CMTM8: variants seen among roughly 807,000 people sequenced by gnomAD.
CMTM8 encodes CKLF-like MARVEL transmembrane domain-containing protein 8.
A neutral mutation model predicts 18.6 loss-of-function variants in CMTM8; 12 were observed. The ratio of observed to expected loss-of-function variants is 0.65; its 90% CI spans 0.41 to 1.05. CMTM8 has a LOEUF of 1.05. CMTM8 is among the 50% of genes least tolerant of loss of function. The pLI is 0.00. For synonymous variants in CMTM8, 87 were observed against 90.6 expected (o/e 0.96, Z 0.23); for missense variants, 217 against 227.2 (o/e 0.95, Z 0.29).
At chr3:32,307,951 A>C (rs1695749111) in intron 1 of CMTM8, among the ~76,000 whole-genome samples, 1 of 152,238 alleles carries the variant, frequency 6.6e-6, no homozygotes, top group African/African-American at 2.4e-5. Flanking sequence ...AAGTCAGCAA[A>C]GGCATTTAAG....
rs141513138 is a variant in CMTM8 at position 32,302,827 on chromosome 3, A to T, written c.148-54546A>T. On this transcript the variant is annotated intron_variant, in intron 1 of 3. Transcript: ENST00000307526. ...GTGCGCATACACACCAAGTACCTGA[A>T]GTCTGTAACTTCAGGATCTTTTAAG... is the stretch of plus-strand genomic sequence containing the variant. Among the ~76,000 whole-genome samples the T allele has an allele frequency of 1.2e-3, 183 of 152,318 alleles. No homozygotes were observed. The East Asian group carries it at 0.015, about 12-fold the overall frequency.
chr3:32,337,059 C>T (rs1013472032), intron 1 of CMTM8, among the ~76,000 whole-genome samples: 1 of 152,104 alleles, frequency 6.6e-6, no homozygotes, highest in African/African-American at 2.4e-5. Flanking sequence ...ACTTTTAAAA[C>T]AGACTCCCTC....
intron 1 of CMTM8, among the ~76,000 whole-genome samples, chr3:32,296,890 A>G (rs932068598): frequency 4.6e-5 from 7 of 152,158 alleles, no homozygotes; most frequent in African/African-American, 1.7e-4. Flanking sequence ...TGACATGGCC[A>G]GTAGAGGGCA....
intron 1 of CMTM8, chr3:32,260,167 C>G: frequency 8.3e-7 from 1 of 1,197,844 alleles, no homozygotes; most frequent in Non-Finnish European, 1.2e-6. Context: ...AGACCACCAC[C>G]TGCCGGAGAG....
chr3:32,319,421 T>A (rs1423425112), intron 1 of CMTM8, among the ~76,000 whole-genome samples: 3 of 151,814 alleles, frequency 2.0e-5, no homozygotes, highest in Non-Finnish European at 4.4e-5. Context: ...TCTCTCCTCC[T>A]CCTCCTCCCC....
chr3:32,339,965 AAAAT>A (rs928037591), intron 1 of CMTM8, among the ~76,000 whole-genome samples: 2 of 152,158 alleles, frequency 1.3e-5, no homozygotes, highest in Admixed American at 6.6e-5. Context: ...TCCATCTCAA[AAAAT>A]AAATAAATAA....
chr3:32,259,971 TG>T, intron 1 of CMTM8: 1 of 1,125,042 alleles, frequency 8.9e-7, no homozygotes, highest in Non-Finnish European at 1.3e-6. Flanking sequence ...CTGCTGCACC[TG>T]GAGTCAGAGC....
chr3:32,305,860 G>T (rs938620433), intron 1 of CMTM8, among the ~76,000 whole-genome samples: 17 of 152,202 alleles, frequency 1.1e-4, no homozygotes, highest in Admixed American at 1.0e-3. Context: ...AAAATAAAAT[G>T]TGTATTGACT....
At chr3:32,300,298 C>T (rs552608853) in intron 1 of CMTM8, among the ~76,000 whole-genome samples, 6 of 152,210 alleles carry the variant, frequency 3.9e-5, no homozygotes, top group Non-Finnish European at 8.8e-5. Context: ...TGGGGCAGGA[C>T]CCTTTCTGGA....
At chr3:32,312,043 G>C (rs1021945777) in intron 1 of CMTM8, among the ~76,000 whole-genome samples, 2 of 152,196 alleles carry the variant, frequency 1.3e-5, no homozygotes, top group African/African-American at 4.8e-5. Flanking sequence ...CTTGGTTTAC[G>C]GAAGTAACAT....
intron 1 of CMTM8, among the ~76,000 whole-genome samples, chr3:32,327,334 G>A (rs998873216): frequency 6.6e-6 from 1 of 152,004 alleles, no homozygotes; most frequent in African/African-American, 2.4e-5. Context: ...AAAATGTTGG[G>A]GCTCACCTAG....
intron 1 of CMTM8, among the ~76,000 whole-genome samples, chr3:32,270,235 A>G (rs1332483526): frequency 4.6e-5 from 7 of 152,198 alleles, no homozygotes; most frequent in Non-Finnish European, 7.3e-5. Context: ...AATTTAAATC[A>G]TGTTCGAACA....
chr3:32,328,816 G>GT (rs765612393), intron 1 of CMTM8, among the ~76,000 whole-genome samples: 23 of 151,994 alleles, frequency 1.5e-4, no homozygotes, highest in Non-Finnish European at 3.4e-4. Context: ...CCCATAACTA[G>GT]TAAAAAGATG....
At chr3:32,320,915 G>A (rs1294953810) in intron 1 of CMTM8, among the ~76,000 whole-genome samples, 3 of 152,070 alleles carry the variant, frequency 2.0e-5, no homozygotes, top group Non-Finnish European at 2.9e-5. Flanking sequence ...TTCATCTGGA[G>A]TTACTTTAAC....
chr3:32,362,596 T>G (rs1171564394), intron 2 of CMTM8, among the ~76,000 whole-genome samples: 1 of 152,192 alleles, frequency 6.6e-6, no homozygotes, highest in African/African-American at 2.4e-5. Flanking sequence ...TATTCCAGTT[T>G]CTCTTGCCCT....
At chr3:32,326,515 C>CTT (rs58555396) in intron 1 of CMTM8, among the ~76,000 whole-genome samples, 49 of 113,352 alleles carry the variant, frequency 4.3e-4, no homozygotes, top group African/African-American at 5.4e-4. Context: ...TTCTTTCTTT[C>CTT]TTTTTTTTTT....
intron 1 of CMTM8, among the ~76,000 whole-genome samples, chr3:32,318,342 T>C (rs1695971130): frequency 6.6e-6 from 1 of 152,108 alleles, no homozygotes; most frequent in South Asian, 2.1e-4. Flanking sequence ...GTTATCTATT[T>C]GAAGAATTAA....
In CMTM8 at chr3:32,264,078, C is replaced by T. The variant is rs182602429; in HGVS notation, c.147+24959C>T. On this transcript the variant is annotated intron_variant, in intron 1 of 3. Transcript: ENST00000307526. ...CAATCTAGCAAGGCAGGCCAACATT[C>T]AAATTCAGGAAATACAGAGAACTCC... Among the ~76,000 whole-genome samples, 403 of 152,282 alleles carry T rather than the reference C, an allele frequency of 2.6e-3. 4 individuals carry two copies. The highest frequency in any genetic ancestry group is 9.1e-3 in the African/African-American group (380 of 41,540).
intron 1 of CMTM8, among the ~76,000 whole-genome samples, chr3:32,311,204 C>T (rs962794139): frequency 5.3e-5 from 8 of 152,126 alleles, no homozygotes; most frequent in African/African-American, 1.4e-4. Context: ...TATTTTTTAA[C>T]GGTTGCGGAA....
Sources: allele counts gnomAD v4.1 joint callset (sites outside exome capture counted in the v4.1 genomes callset), GRCh38; gene constraint gnomAD v4.1.1; transcripts MANE v1.5; gene names NCBI Gene and HGNC (gene_info 2026-07-23, HGNC 2026-07-21).